Variants in PTBP3 observed in about 807,000 individuals in gnomAD.
PTBP3 encodes polypyrimidine tract-binding protein 3.
In PTBP3, 20 loss-of-function variants were observed where a neutral mutation model predicts 58.7. The observed-to-expected ratio is 0.34, with a 90% CI of 0.24 to 0.50. PTBP3 has a LOEUF of 0.50. PTBP3 is among the 20% of genes least tolerant of loss of function. The pLI is 0.98. For synonymous variants in PTBP3, 185 were observed against 219.8 expected (o/e 0.84, Z 1.40); for missense variants, 509 against 637.2 (o/e 0.80, Z 2.17).
chr9:112,273,927 G>A (rs955541050), intron 3 of PTBP3, among the ~76,000 whole-genome samples: 5 of 152,156 alleles, frequency 3.3e-5, no homozygotes, highest in African/African-American at 9.7e-5. Context: ...TTAGCTTACC[G>A]ATAAAAATAA....
chr9:112,289,130 C>T (rs907825354), intron 2 of PTBP3, among the ~76,000 whole-genome samples: 16 of 152,148 alleles, frequency 1.1e-4, no homozygotes, highest in South Asian at 6.2e-4. Context: ...AAAAATGATA[C>T]GCGCTGCTTT....
At position 112,287,431 on chromosome 9, in the gene PTBP3, C is replaced by CG. The variant is rs530712158; in HGVS notation, c.34+10400dup. Among the ~76,000 whole-genome samples the CG allele has an allele frequency of 4.5e-3, 684 of 150,940 alleles. 1 individual carries two copies. Among genetic ancestry groups the CG allele is most frequent in the Middle Eastern group, 0.024 (7 of 292 alleles). On this transcript the variant is annotated intron_variant, in intron 2 of 13. Transcript: ENST00000374257. ...CTCGGCTCACTGCAACCTCCGCCCC[C>CG]GGGGGTTCAAGCAATTCTCCTACCT... is the stretch of plus-strand genomic sequence containing the variant.
chr9:112,244,203 T>C (rs554343323), intron 7 of PTBP3, among the ~76,000 whole-genome samples: 12 of 143,200 alleles, frequency 8.4e-5, no homozygotes, highest in East Asian at 2.1e-4. Context: ...GGCAAGAGAA[T>C]TGCTTGGACC....
chr9:112,231,656 C>A (rs1214978988), intron 9 of PTBP3, among the ~76,000 whole-genome samples: 1 of 151,976 alleles, frequency 6.6e-6, no homozygotes, highest in Non-Finnish European at 1.5e-5. Context: ...GTAATCCCAG[C>A]ACTTTGGGAG....
the PTBP3 span, among the ~76,000 whole-genome samples, chr9:112,363,561 A>ACACACAC: frequency 1.2e-3 from 92 of 77,462 alleles, no homozygotes; most frequent in African/African-American, 5.9e-3. Context: ...CACACACACA[A>ACACACAC]AGGCTATTCT....
chr9:112,368,313 G>T, the PTBP3 span, among the ~76,000 whole-genome samples: 1 of 152,208 alleles, frequency 6.6e-6, no homozygotes, highest in African/African-American at 2.4e-5. Context: ...TGGGATTACA[G>T]GCGTGCGCCA....
rs763996351 is a variant in PTBP3, at chr9:112,262,586, G to A, written c.365C>T (p.Ala122Val). 5.0e-6 allele frequency: 8 copies of A among 1,599,930 alleles called. No individual in the cohort carries two copies. The highest frequency in any genetic ancestry group is 6.8e-6 in the Non-Finnish European group (8 of 1,174,732). The change falls in exon 5 of 14, where the codon GCA (alanine) becomes GTA (valine). Residue 122 changes from alanine to valine, a missense_variant. Physicochemically the swap from Ala to Val is moderately conservative, Grantham distance 64 (BLOSUM62 0). Around this residue, in one of 4 missense-constraint regions of PTBP3, gnomAD observed 212 missense variants for 215.3 expected, o/e 0.98. Coordinates refer to ENST00000374257, the MANE Select transcript of PTBP3 (RefSeq NM_001163788.4). ...TTGGACGGCACTGACAGCCTGCAGT[G>A]CAGCTTGGGCTCGCTATAGAACAAC... is the stretch of plus-strand genomic sequence containing the variant. ...NLPNQARAQA[A>V]LQAVSAVQSG...
intron 1 of PTBP3, among the ~76,000 whole-genome samples, chr9:112,300,608 C>A (rs148428243): frequency 0.02 from 3,113 of 152,074 alleles, 48 homozygotes; most frequent in African/African-American, 0.042. Flanking sequence ...AAAAATCAGC[C>A]TGGCGTGGTG....
rs1835871833 is a variant in PTBP3 at position 112,246,246 on chromosome 9, G to A, written c.802+4683C>T. Among the ~76,000 whole-genome samples, 3 of 151,982 alleles carry A rather than the reference G, an allele frequency of 2.0e-5. No homozygotes were observed. The South Asian group carries it at 6.2e-4, about 32-fold the overall frequency. ...GATCCACCCGCCTCGGCCTCCCAAA[G>A]TGCAGAGATTACAGATGTAAGCCAC... On this transcript the variant is annotated intron_variant, in intron 7 of 13. Transcript: ENST00000374257.
intron 12 of PTBP3, among the ~76,000 whole-genome samples, chr9:112,226,744 G>GA (rs1835004365): frequency 6.6e-6 from 1 of 152,212 alleles, no homozygotes; most frequent in South Asian, 2.1e-4. Context: ...TATATTACAC[G>GA]AAACTTTATA....
chr9:112,359,827 AAAAAC>A, the PTBP3 span, among the ~76,000 whole-genome samples: 1 of 109,692 alleles, frequency 9.1e-6, no homozygotes, highest in East Asian at 2.2e-4. Context: ...CTCAAAAAAT[AAAAAC>A]AAAACACCAA....
chr9:112,256,728 A>T (rs1836382362), intron 5 of PTBP3, among the ~76,000 whole-genome samples: 1 of 151,862 alleles, frequency 6.6e-6, no homozygotes, highest in South Asian at 2.1e-4. Flanking sequence ...TCGCTACCTT[A>T]CCCAGGCTGG....
rs141146042 is a variant in PTBP3 at position 112,290,672 on chromosome 9, T to TAAA, written c.34+7157_34+7159dup. Among the ~76,000 whole-genome samples the TAAA allele has an allele frequency of 4.4e-3, 235 of 53,038 alleles. 1 individual carries two copies. Among genetic ancestry groups the TAAA allele is most frequent in the African/African-American group, 0.013 (173 of 13,032 alleles). The allele number at this position is 53,038 out of a possible 152,430, so 34.8% of individuals were successfully genotyped here. ...GGGTGACAAAGTCAGACTCTGTCTT[T>TAAA]AAAAAAAAAAAAAAAATATATATAT... On this transcript the variant is annotated intron_variant, in intron 2 of 13. Coordinates refer to ENST00000374257, the MANE Select transcript of PTBP3 (RefSeq NM_001163788.4).
chr9:112,329,280 G>A (rs1830273026), intron 1 of PTBP3, among the ~76,000 whole-genome samples: 1 of 152,044 alleles, frequency 6.6e-6, no homozygotes, highest in Non-Finnish European at 1.5e-5. Flanking sequence ...AGGCATGGTG[G>A]CATGTGCCTG....
chr9:112,261,302 T>A (rs1836584643), intron 5 of PTBP3, among the ~76,000 whole-genome samples: 1 of 152,242 alleles, frequency 6.6e-6, no homozygotes, highest in East Asian at 1.9e-4. Flanking sequence ...GGAAACCCAG[T>A]ACGCCTACTC....
intron 2 of PTBP3, among the ~76,000 whole-genome samples, chr9:112,281,690 T>C (rs148225657): frequency 9.8e-5 from 15 of 152,348 alleles, no homozygotes; most frequent in African/African-American, 3.6e-4. Flanking sequence ...GACTGTAGTT[T>C]TCAATAACTA....
Position 112,222,216 on chromosome 9 carries a change from G to C in PTBP3, c.*1635C>G. 1.0e-6 allele frequency: 1 copy of C among 980,902 alleles called. No homozygotes were observed. Among genetic ancestry groups the C allele is most frequent in the Non-Finnish European group, 1.2e-6 (1 of 825,440 alleles). The allele number at this position is 980,902 out of a possible 1,614,324, so 60.8% of individuals were successfully genotyped here. A position where few individuals can be genotyped will look rare whatever the true frequency, so the allele number is the denominator to read the frequency against. On this transcript the variant is annotated 3_prime_UTR_variant, in exon 14 of 14. Transcript: ENST00000374257. ...GACAAATTCTGCTTTAAAAAATTCT[G>C]ATCAACAATTGAAGAAATAATAGCA... is the stretch of plus-strand genomic sequence containing the variant.
At chr9:112,316,271 T>A (rs1209077967) in intron 1 of PTBP3, among the ~76,000 whole-genome samples, 1 of 152,196 alleles carries the variant, frequency 6.6e-6, no homozygotes, top group African/African-American at 2.4e-5. Context: ...CTGAACAGAA[T>A]ACAGCAAAAA....
intron 6 of PTBP3, 21 bp downstream of exon 6, chr9:112,252,657 T>C (rs1836178173): frequency 6.6e-7 from 1 of 1,522,796 alleles, no homozygotes; most frequent in Non-Finnish European, 9.1e-7. Context: ...AATTGAAAAA[T>C]GAAACAAAGA....
Sources: allele counts gnomAD v4.1 joint callset (sites outside exome capture counted in the v4.1 genomes callset), GRCh38; gene constraint gnomAD v4.1.1; regional missense constraint gnomAD v4.1.1; transcripts MANE v1.5; gene names NCBI Gene and HGNC (gene_info 2026-07-23, HGNC 2026-07-21).